The following DGKB variants were observed in gnomAD, a reference collection of about 807,000 sequenced individuals.
DGKB encodes the protein 90 kDa diacylglycerol kinase.
A neutral mutation model predicts 114.3 loss-of-function variants in DGKB; 67 were observed. The observed-to-expected ratio is 0.59, with a 90% CI of 0.48 to 0.72. The LOEUF is 0.72. DGKB is among the 30% of genes least tolerant of loss of function. The pLI is 0.00. For missense variants in DGKB, 907 were observed against 975.2 expected, an observed-to-expected ratio of 0.93 and a Z score of 0.93; for synonymous variants, 398 against 323.1, an observed-to-expected ratio of 1.23 and a Z score of -2.49.
At chr7:14,272,608 T>C (rs1798421124) in intron 23 of DGKB, among the ~76,000 whole-genome samples, 1 of 152,186 alleles carries the variant, frequency 6.6e-6, no homozygotes, top group African/African-American at 2.4e-5. Context: ...CCTCCTTAAC[T>C]GTATCTATGG....
chr7:14,489,231 A>T (rs561829485), intron 20 of DGKB, among the ~76,000 whole-genome samples: 1 of 152,310 alleles, frequency 6.6e-6, no homozygotes, highest in East Asian at 1.9e-4. Flanking sequence ...TTAGAAAACA[A>T]TGACAGGTAT....
intron 8 of DGKB, among the ~76,000 whole-genome samples, chr7:14,696,475 C>G (rs1230154750): frequency 2.4e-5 from 3 of 124,298 alleles, no homozygotes; most frequent in Admixed American, 2.2e-4. Flanking sequence ...GCAGTCCGGC[C>G]TGGGCGACAG....
chr7:14,965,911 G>A (rs1787117824), intron 1 of DGKB, among the ~76,000 whole-genome samples: 1 of 151,574 alleles, frequency 6.6e-6, no homozygotes, highest in African/African-American at 2.4e-5. Flanking sequence ...TTACATTTTT[G>A]TACATCATGA....
chr7:14,657,685 A>G (rs1196018254), intron 13 of DGKB, among the ~76,000 whole-genome samples: 1 of 151,910 alleles, frequency 6.6e-6, no homozygotes, highest in African/African-American at 2.4e-5. Context: ...ATCCTTAGTT[A>G]GTTATATGTT....
chr7:14,631,610 G>A (rs1387493418), intron 13 of DGKB, among the ~76,000 whole-genome samples: 1 of 151,966 alleles, frequency 6.6e-6, no homozygotes, highest in Non-Finnish European at 1.5e-5. Context: ...ATTGACAGTA[G>A]GTTTGGTAGA....
intron 20 of DGKB, among the ~76,000 whole-genome samples, chr7:14,522,988 A>G (rs1790031043): frequency 6.6e-6 from 1 of 152,172 alleles, no homozygotes; most frequent in African/African-American, 2.4e-5. Flanking sequence ...CAACTTTTTG[A>G]TTAACAGTCC....
At chr7:14,838,517 C>G (rs1847463918) in intron 2 of DGKB, among the ~76,000 whole-genome samples, 1 of 151,914 alleles carries the variant, frequency 6.6e-6, no homozygotes, top group African/African-American at 2.4e-5. Flanking sequence ...AGGAAAATTT[C>G]AGATCACTCT....
chr7:14,434,547 A>G (rs1347769329), intron 21 of DGKB, among the ~76,000 whole-genome samples: 1 of 152,124 alleles, frequency 6.6e-6, no homozygotes, highest in Non-Finnish European at 1.5e-5. Flanking sequence ...AACATACAAA[A>G]GTAGCTCCTC....
At chr7:14,460,409 C>A (rs555215777) in intron 21 of DGKB, among the ~76,000 whole-genome samples, 3 of 151,124 alleles carry the variant, frequency 2.0e-5, no homozygotes, top group African/African-American at 7.3e-5. Context: ...GGAAGATTTA[C>A]CAAGCAAATG....
chr7:14,810,377 TACA>T (rs35098567), intron 2 of DGKB, among the ~76,000 whole-genome samples: 13,876 of 152,210 alleles, frequency 0.091, 779 homozygotes, highest in East Asian at 0.24. Flanking sequence ...ATGTTTAGAC[TACA>T]ACATTATGGG....
intron 1 of DGKB, among the ~76,000 whole-genome samples, chr7:14,848,042 T>C (rs1246330734): frequency 6.6e-6 from 1 of 152,188 alleles, no homozygotes; most frequent in South Asian, 2.1e-4. Context: ...TATGAAACCA[T>C]TGAAATATTT....
At chr7:14,629,576 T>C (rs949233018) in intron 14 of DGKB, among the ~76,000 whole-genome samples, 1 of 152,106 alleles carries the variant, frequency 6.6e-6, no homozygotes, top group Non-Finnish European at 1.5e-5. Flanking sequence ...GGGCATTTCC[T>C]ATAGAGATAA....
At chr7:14,466,350 A>G (rs1780472529) in intron 21 of DGKB, among the ~76,000 whole-genome samples, 1 of 152,092 alleles carries the variant, frequency 6.6e-6, no homozygotes, top group Non-Finnish European at 1.5e-5. Context: ...CGAGGTCAAG[A>G]GATCGAGACA....
intron 20 of DGKB, among the ~76,000 whole-genome samples, chr7:14,512,061 G>C (rs112661119): frequency 0.016 from 1,970 of 120,514 alleles, 24 homozygotes; most frequent in Non-Finnish European, 0.025. Context: ...TTACCAAAAA[G>C]TGACAGAAAC....
intron 5 of DGKB, among the ~76,000 whole-genome samples, chr7:14,734,334 C>T (rs1831388273): frequency 6.6e-6 from 1 of 152,152 alleles, no homozygotes; most frequent in South Asian, 2.1e-4. Flanking sequence ...CCACCGTGTC[C>T]GGCCTCTATA....
chr7:14,505,418 C>T (rs978761478), intron 20 of DGKB, among the ~76,000 whole-genome samples: 1 of 149,760 alleles, frequency 6.7e-6, no homozygotes, highest in Non-Finnish European at 1.5e-5. Flanking sequence ...TGTGCCACTG[C>T]AGCCCAGTCT....
intron 23 of DGKB, among the ~76,000 whole-genome samples, chr7:14,305,092 G>C (rs918956594): frequency 9.2e-5 from 14 of 152,076 alleles, no homozygotes; most frequent in African/African-American, 3.4e-4. Flanking sequence ...GGGTAATTGG[G>C]ATATCTGTCA....
At chr7:14,493,947 CACACACACACACACAT>C (rs1467160184) in intron 20 of DGKB, among the ~76,000 whole-genome samples, 1 of 151,284 alleles carries the variant, frequency 6.6e-6, no homozygotes, top group Non-Finnish European at 1.5e-5. Context: ...CACACACACA[CACACACACACACACAT>C]CTATGTACAC....
chr7:14,738,626 A>T (rs182648660), intron 4 of DGKB, among the ~76,000 whole-genome samples: 4 of 152,344 alleles, frequency 2.6e-5, no homozygotes, highest in Non-Finnish European at 5.9e-5. Flanking sequence ...TGTGTAAAGA[A>T]TATCCATTTT....
Sources: gnomAD v4.1 joint callset for allele counts (sites outside exome capture counted in the v4.1 genomes callset) on GRCh38, gnomAD v4.1.1 for gene constraint, MANE v1.5 for transcripts, NCBI Gene and HGNC (gene_info 2026-07-23, HGNC 2026-07-21) for gene names.